KIAA1755: variants seen among roughly 807,000 people sequenced by gnomAD.
The protein encoded by KIAA1755 is uncharacterized protein KIAA1755.
A neutral mutation model predicts 91.7 loss-of-function variants in KIAA1755; 68 were observed. The observed-to-expected ratio is 0.74, with a 90% CI of 0.61 to 0.91. KIAA1755 has a LOEUF of 0.91. Among genes scored for constraint, KIAA1755 ranks in the 40% least tolerant of loss-of-function variants. The pLI, the probability that KIAA1755 is intolerant of heterozygous loss-of-function variation, is 0.00. For synonymous variants in KIAA1755, 610 were observed against 604.6 expected (o/e 1.01, Z -0.13); for missense variants, 1,535 against 1,494.4 (o/e 1.03, Z -0.45).
At position 38,241,821 on chromosome 20, in the gene KIAA1755, C is replaced by T; in HGVS notation, c.310G>A (p.Asp104Asn). The change falls in exon 3 of 14, where the codon GAC (aspartate) becomes AAC (asparagine). Residue 104 changes from aspartate to asparagine, a missense_variant. Physicochemically the swap from Asp to Asn is conservative, Grantham distance 23. Transcript: ENST00000279024. Reference protein sequence around the residue: ...PLNPLLLRQGDFYLQVEPQEE... With the variant: ...PLNPLLLRQGNFYLQVEPQEE... ...TGGGGCTCCACTTGGAGGTAGAAGT[C>T]ACCCTGGCGCAATAAGAGAGGGTTG... 3.1e-6 allele frequency: 5 copies of T among 1,614,180 alleles called. No homozygotes were observed. The highest frequency in any genetic ancestry group is 4.2e-6 in the Non-Finnish European group (5 of 1,180,022).
chr20:38,220,610 G>A (rs1048805026), intron 10 of KIAA1755, among the ~76,000 whole-genome samples: 3 of 152,146 alleles, frequency 2.0e-5, no homozygotes, highest in African/African-American at 4.8e-5. Context: ...CACCACGCCC[G>A]GCTGAGACAC....
chr20:38,239,061 C>T (rs2076007135), intron 4 of KIAA1755, among the ~76,000 whole-genome samples: 1 of 152,156 alleles, frequency 6.6e-6, no homozygotes, highest in Non-Finnish European at 1.5e-5. Context: ...ACAGACAAGG[C>T]TTATAAAAGG....
At chr20:38,232,771 G>A (rs2075892238) in intron 4 of KIAA1755, among the ~76,000 whole-genome samples, 1 of 152,092 alleles carries the variant, frequency 6.6e-6, no homozygotes. Context: ...GGGGATAAGA[G>A]GGGAGACTTG....
chr20:38,247,590 T>C (rs1205352857), intron 1 of KIAA1755, among the ~76,000 whole-genome samples: 2 of 152,058 alleles, frequency 1.3e-5, no homozygotes, highest in Non-Finnish European at 2.9e-5. Context: ...GTGTAATGGG[T>C]AGAATGACCT....
At chr20:38,259,512 T>C (rs1030574026) in intron 1 of KIAA1755, among the ~76,000 whole-genome samples, 15 of 135,612 alleles carry the variant, frequency 1.1e-4, no homozygotes, top group Non-Finnish European at 2.1e-4. Flanking sequence ...AGTGCCTGCG[T>C]GTGTGTGTGT....
chr20:38,219,577 G>A lies in KIAA1755; in HGVS notation c.2556+53C>T, dbSNP rs1049062275. 9.3e-6 allele frequency: 15 copies of A among 1,605,934 alleles called. No individual in the cohort carries two copies. The African/African-American group carries it at 1.9e-4, about 20-fold the overall frequency. On this transcript the variant is annotated intron_variant, in intron 11 of 13. Transcript: ENST00000279024. Reference sequence around the variant, plus strand: ...ACGGGCCCAGAGTCGGGGCTTTCCTGTGGAATGTGGCCAGGCAGAACCCCC... The same window carrying A: ...ACGGGCCCAGAGTCGGGGCTTTCCTATGGAATGTGGCCAGGCAGAACCCCC...
At chr20:38,250,512 C>CTGTGTGTGTGTGTG (rs3080901) in intron 1 of KIAA1755, among the ~76,000 whole-genome samples, 4 of 138,928 alleles carry the variant, frequency 2.9e-5, no homozygotes, top group African/African-American at 1.1e-4. Flanking sequence ...GTGTGTGTGT[C>CTGTGTGTGTGTGTG]TGTGTGTGTG....
intron 2 of KIAA1755, among the ~76,000 whole-genome samples, chr20:38,245,639 G>A (rs971288441): frequency 2.0e-4 from 31 of 152,270 alleles, no homozygotes; most frequent in African/African-American, 7.2e-4. Context: ...TCAGGCGCAG[G>A]GCAGGCTCCC....
intron 6 of KIAA1755, 68 bp downstream of exon 6, chr20:38,228,079 A>C: frequency 1.6e-6 from 2 of 1,216,260 alleles, no homozygotes; most frequent in South Asian, 3.2e-5. Flanking sequence ...CCCGGACTCT[A>C]TGAATGTCAG....
At chr20:38,246,474 G>A (rs1169883726) in intron 1 of KIAA1755, among the ~76,000 whole-genome samples, 1 of 152,020 alleles carries the variant, frequency 6.6e-6, no homozygotes, top group Non-Finnish European at 1.5e-5. Context: ...TGGGCATTCA[G>A]GTCAGGGTCA....
Position 38,239,515 on chromosome 20 carries a change from AATCCCCT to A in KIAA1755, c.1747+6_1747+12del. 2 of 1,613,044 alleles carry A rather than the reference AATCCCCT, an allele frequency of 1.2e-6. No individual in the cohort carries two copies. Among genetic ancestry groups the A allele is most frequent in the Non-Finnish European group, 1.7e-6 (2 of 1,179,534 alleles). ...CTCCCTCCCTACCACCTCCTGCTTG[AATCCCCT>A]GGAACCTGGCAGGCATGCTATCCTG... is the stretch of plus-strand genomic sequence containing the variant. On this transcript the variant is annotated splice_donor_region_variant and intron_variant, in intron 4 of 13. Transcript: ENST00000279024.
chr20:38,247,880 G>A (rs1289233561), intron 1 of KIAA1755, among the ~76,000 whole-genome samples: 5 of 152,152 alleles, frequency 3.3e-5, no homozygotes, highest in Admixed American at 3.3e-4. Flanking sequence ...CCTGAGGCTA[G>A]GAATTTGAGA....
Position 38,227,325 on chromosome 20 carries a change from A to C in KIAA1755, c.1966-85T>G, listed in dbSNP as rs561001791. On this transcript the variant is annotated intron_variant, in intron 6 of 13. Coordinates refer to ENST00000279024, the MANE Select transcript of KIAA1755 (RefSeq NM_001029864.2). ...TTTGATTTCCTCCTTCATCCCCTGT[A>C]AGATGCAGGCAAATGGGTCACAAGG... is the stretch of plus-strand genomic sequence containing the variant. 30 of 997,516 alleles carry C rather than the reference A, an allele frequency of 3.0e-5. No homozygotes were observed. The African/African-American group carries it at 4.8e-4, about 16-fold the overall frequency. The allele number at this position is 997,516 out of a possible 1,614,324, so 61.8% of individuals were successfully genotyped here.
rs1376698981 is a variant in KIAA1755, at chr20:38,245,802, GTCCCCCCACACCC to G, written c.201+114_201+126del. 3 of 798,068 alleles carry G rather than the reference GTCCCCCCACACCC, an allele frequency of 3.8e-6. No homozygotes were observed. In the African/African-American group the frequency reaches 5.1e-5, roughly 14 times the overall value. The allele number at this position is 798,068 out of a possible 1,614,324, so 49.4% of individuals were successfully genotyped here. On this transcript the variant is annotated intron_variant, in intron 2 of 13. Transcript: ENST00000279024. Reference sequence around the variant, plus strand: ...CTGGGCAAGCAATGATACTTGGAAAGTCCCCCCACACCCTCAGCTCCCCGTGAAACAAGACACA... The same window carrying G: ...CTGGGCAAGCAATGATACTTGGAAAGTCAGCTCCCCGTGAAACAAGACACA...
At chr20:38,243,189 A>G (rs1468306482) in intron 2 of KIAA1755, among the ~76,000 whole-genome samples, 2 of 152,224 alleles carry the variant, frequency 1.3e-5, no homozygotes, top group African/African-American at 4.8e-5. Flanking sequence ...TGTGTAGGGG[A>G]GATGTACAGA....
chr20:38,216,123 T>C (rs977951873), intron 13 of KIAA1755, among the ~76,000 whole-genome samples: 1 of 152,200 alleles, frequency 6.6e-6, no homozygotes, highest in African/African-American at 2.4e-5. Context: ...TACACGGCCA[T>C]TAACTATGGT....
rs1176236842 is a variant in KIAA1755, at chr20:38,222,793, C to T, written c.2269-196G>A. On this transcript the variant is annotated intron_variant, in intron 9 of 13. Coordinates refer to ENST00000279024, the MANE Select transcript of KIAA1755 (RefSeq NM_001029864.2). ...CACCACGGCAACCTCATTGGTCCAC[C>T]CTCCAGCATCTCTTGCTGGGACACC... The T allele has an allele frequency of 1.7e-5, 11 of 635,118 alleles. No individual in the cohort carries two copies. In the Admixed American group the frequency reaches 2.2e-4, roughly 13 times the overall value. The allele number at this position is 635,118 out of a possible 1,614,324, so 39.3% of individuals were successfully genotyped here.
At chr20:38,231,093 A>T in intron 5 of KIAA1755, 109 bp downstream of exon 5, 2 of 1,226,412 alleles carry the variant, frequency 1.6e-6, no homozygotes, top group Non-Finnish European at 2.3e-6. Flanking sequence ...CTGTGAACAG[A>T]CGACTGGATG....
chr20:38,254,795 A>C (rs2076311337), intron 1 of KIAA1755, among the ~76,000 whole-genome samples: 1 of 152,106 alleles, frequency 6.6e-6, no homozygotes, highest in Non-Finnish European at 1.5e-5. Context: ...AAAAAAAAAA[A>C]AAGTATAATC....
Sources: allele counts gnomAD v4.1 joint callset (sites outside exome capture counted in the v4.1 genomes callset), GRCh38; gene constraint gnomAD v4.1.1; transcripts MANE v1.5; gene names NCBI Gene and HGNC (gene_info 2026-07-23, HGNC 2026-07-21).